TMEM63A: variants seen among roughly 807,000 people sequenced by gnomAD.
TMEM63A encodes the protein transmembrane protein 63A.
A neutral mutation model predicts 100.6 loss-of-function variants in TMEM63A; 76 were observed. The ratio of observed to expected loss-of-function variants is 0.76; its 90% CI spans 0.63 to 0.91. The LOEUF (loss-of-function observed/expected upper bound fraction) is 0.91. Ranked by LOEUF, TMEM63A falls within the 40% of genes least tolerant of loss-of-function variation. The pLI, the probability that TMEM63A is intolerant of heterozygous loss-of-function variation, is 0.00. For synonymous variants in TMEM63A, 401 were observed against 401.1 expected, an observed-to-expected ratio of 1.00 and a Z score of 0.00; for missense variants, 876 against 1,008.8, an observed-to-expected ratio of 0.87 and a Z score of 1.78.
chr1:225,880,013 G>C (rs1671011516), intron 1 of TMEM63A, among the ~76,000 whole-genome samples: 2 of 152,086 alleles, frequency 1.3e-5, no homozygotes. Context: ...TCTGCGGAGG[G>C]AAACACCTGC....
At chr1:225,858,238 G>T (rs148222876) in intron 15 of TMEM63A, among the ~76,000 whole-genome samples, 49 of 151,888 alleles carry the variant, frequency 3.2e-4, no homozygotes, top group African/African-American at 1.1e-3. Flanking sequence ...GTAGATGCCA[G>T]TTGAGTGAGT....
downstream of TMEM63A, among the ~76,000 whole-genome samples, chr1:225,844,065 A>G (rs1483503255): frequency 6.6e-6 from 1 of 152,104 alleles, no homozygotes; most frequent in African/African-American, 2.4e-5. Context: ...AATAAGTAAA[A>G]TGGAGATAAT....
At chr1:225,843,910 C>T (rs80058156), downstream of TMEM63A, among the ~76,000 whole-genome samples, 6 of 152,156 alleles carry the variant, frequency 3.9e-5, no homozygotes, top group Non-Finnish European at 8.8e-5. Flanking sequence ...TCTGTCCCTG[C>T]TCCCTGCTGC....
At chr1:225,871,951 C>A in intron 5 of TMEM63A, 36 bp downstream of exon 5, 1 of 1,534,722 alleles carries the variant, frequency 6.5e-7, no homozygotes, top group Admixed American at 1.7e-5. Flanking sequence ...GTCCCCACCC[C>A]CTGGCCATGA....
chr1:225,855,835 C>T, intron 18 of TMEM63A, 43 bp downstream of exon 18: 1 of 1,604,964 alleles, frequency 6.2e-7, no homozygotes, highest in Non-Finnish European at 8.5e-7. Flanking sequence ...GTGGGACTTT[C>T]ACCCAGGGCC....
At chr1:225,841,077 C>T (rs768707632), downstream of TMEM63A, 4 of 152,164 alleles carry the variant, frequency 2.6e-5, no homozygotes, top group East Asian at 3.8e-4. Flanking sequence ...AAGTGAAGTA[C>T]GTCCATATCA....
chr1:225,880,614 C>T (rs972730583), intron 1 of TMEM63A, among the ~76,000 whole-genome samples: 12 of 152,172 alleles, frequency 7.9e-5, no homozygotes, highest in Non-Finnish European at 1.3e-4. Context: ...CATTCATCCC[C>T]TTATTCCTAC....
At chr1:225,876,265 A>G (rs1267047317) in intron 3 of TMEM63A, among the ~76,000 whole-genome samples, 1 of 150,468 alleles carries the variant, frequency 6.6e-6, no homozygotes, top group Admixed American at 6.6e-5. Flanking sequence ...CCCTCCTCTA[A>G]TCCCACCAAT....
chr1:225,875,102 T>C (rs1195951014), intron 3 of TMEM63A, among the ~76,000 whole-genome samples: 1 of 152,040 alleles, frequency 6.6e-6, no homozygotes, highest in Non-Finnish European at 1.5e-5. Flanking sequence ...AAACGGTCAG[T>C]TTTTTCCTCT....
chr1:225,870,953 C>G, intron 6 of TMEM63A, 123 bp downstream of exon 6: 1 of 1,045,070 alleles, frequency 9.6e-7, no homozygotes, highest in Non-Finnish European at 1.4e-6. Context: ...TGGACATTAA[C>G]TAAAAAGTAT....
At position 225,845,847 on chromosome 1, in the gene TMEM63A, A is replaced by G. The variant is rs1383604829; in HGVS notation, c.*1092T>C. On this transcript the variant is annotated 3_prime_UTR_variant, in exon 25 of 25. Transcript: ENST00000366835. ...CAGATAAGCCCAGGCCCCCCAGGCC[A>G]GCGGACAGGCACAGGCAGGGCCTAC... 9.0e-6 allele frequency: 2 copies of G among 223,350 alleles called. No individual in the cohort carries two copies. The highest frequency in any genetic ancestry group is 1.8e-5 in the Non-Finnish European group (2 of 111,544). 13.8% of individuals were successfully genotyped at this position (223,350 alleles called of 1,614,324 possible).
intron 15 of TMEM63A, among the ~76,000 whole-genome samples, chr1:225,857,373 G>T (rs1669674646): frequency 4.5e-5 from 1 of 22,184 alleles, no homozygotes; most frequent in Non-Finnish European, 1.9e-4. Flanking sequence ...CTGGAGTCCT[G>T]GCCGGCGGGG....
chr1:225,848,332 G>T, intron 23 of TMEM63A, 160 bp downstream of exon 23: 1 of 683,564 alleles, frequency 1.5e-6, no homozygotes, highest in East Asian at 2.7e-5. Context: ...AATACCCAGG[G>T]GGACCAGGAT....
chr1:225,875,197 G>C (rs1402085941), intron 3 of TMEM63A, among the ~76,000 whole-genome samples: 4 of 152,230 alleles, frequency 2.6e-5, no homozygotes, highest in African/African-American at 9.6e-5. Context: ...GGCACCACGA[G>C]AACCTGTGCT....
At position 225,866,283 on chromosome 1, in the gene TMEM63A, A is replaced by G. The variant is rs536719390; in HGVS notation, c.675+291T>C. 9.0e-5 allele frequency: 46 copies of G among 513,412 alleles called. No homozygotes were observed. The Middle Eastern group carries it at 3.2e-3, about 36-fold the overall frequency. The allele number at this position is 513,412 out of a possible 1,614,324, so 31.8% of individuals were successfully genotyped here. ...GAGGACCCAGGCCTGGAACCAAGCC[A>G]CAGAAGCTCCCCTCCCCTGTGAAGC... is the stretch of plus-strand genomic sequence containing the variant. On this transcript the variant is annotated intron_variant, in intron 9 of 24. Transcript: ENST00000366835.
At chr1:225,850,176 G>C in intron 20 of TMEM63A, 97 bp from the exon 21 acceptor site, 2 of 1,419,116 alleles carry the variant, frequency 1.4e-6, no homozygotes, top group South Asian at 2.6e-5. Flanking sequence ...CAAGGAGCCA[G>C]GGCTGGGGCT....
intron 18 of TMEM63A, among the ~76,000 whole-genome samples, chr1:225,854,469 T>G (rs1669512915): frequency 2.0e-5 from 3 of 152,154 alleles, no homozygotes; most frequent in African/African-American, 7.2e-5. Context: ...TGTCAGGATT[T>G]TCTGGTAGGC....
At chr1:225,870,307 G>A (rs1017154077) in intron 6 of TMEM63A, among the ~76,000 whole-genome samples, 11 of 151,208 alleles carry the variant, frequency 7.3e-5, no homozygotes, top group African/African-American at 1.7e-4. Context: ...AGCCGAGATC[G>A]TGCCATTGCA....
chr1:225,868,148 AT>A (rs1559047020), intron 6 of TMEM63A, 118 bp from the exon 7 acceptor site: 2 of 1,310,886 alleles, frequency 1.5e-6, no homozygotes, highest in Non-Finnish European at 2.1e-6. Flanking sequence ...CTATCCCCAC[AT>A]TTTTGTTCAC....
Sources: allele counts gnomAD v4.1 joint callset (sites outside exome capture counted in the v4.1 genomes callset), GRCh38; gene constraint gnomAD v4.1.1; transcripts MANE v1.5; gene names NCBI Gene and HGNC (gene_info 2026-07-23, HGNC 2026-07-21).